The following FZD3 variants were observed in gnomAD, a reference collection of about 807,000 sequenced individuals.
FZD3 encodes the protein frizzled-3.
Under a neutral mutation model 60.7 loss-of-function variants are expected in FZD3, and 30 were observed. The observed-to-expected ratio is 0.49, with a 90% CI of 0.37 to 0.67. FZD3 has a LOEUF of 0.67. FZD3 is among the 30% of genes least tolerant of loss of function. FZD3 has a pLI of 0.00. For missense variants in FZD3, 605 were observed against 838.7 expected (o/e 0.72, Z 3.44); for synonymous variants, 246 against 275.2 (o/e 0.89, Z 1.05).
intron 4 of FZD3, among the ~76,000 whole-genome samples, chr8:28,526,132 A>G (rs1372723531): frequency 6.6e-6 from 1 of 152,084 alleles, no homozygotes; most frequent in Non-Finnish European, 1.5e-5. Flanking sequence ...ATATATTAGT[A>G]TTGGGTAACA....
intron 5 of FZD3, 135 bp from the exon 6 acceptor site, chr8:28,551,468 A>T: frequency 1.6e-6 from 1 of 643,192 alleles, no homozygotes; most frequent in African/African-American, 1.9e-5. Flanking sequence ...GTGAGCCAAG[A>T]TCACACCATT....
At position 28,573,627 on chromosome 8, in the gene FZD3, TGACA is replaced by T. The variant is rs1466912852; in HGVS notation, c.*10622_*10625del. 2.0e-5 allele frequency: 3 copies of T among 150,798 alleles called. No homozygotes were observed. The highest frequency in any genetic ancestry group is 7.3e-5 in the African/African-American group (3 of 40,942). The allele number at this position is 150,798 out of a possible 1,614,324, so 9.3% of individuals were successfully genotyped here. Reference sequence around the variant, plus strand: ...AGATCTCCTTCACCCTCATTCTACCTGACAGACAGCTAGGTCTGTCTTCCAGCTC... The same window carrying T: ...AGATCTCCTTCACCCTCATTCTACCTGACAGCTAGGTCTGTCTTCCAGCTC... On this transcript the variant is annotated 3_prime_UTR_variant, in exon 8 of 8. Coordinates refer to ENST00000240093, the MANE Select transcript of FZD3 (RefSeq NM_017412.4).
chr8:28,506,322 G>A lies in FZD3; in HGVS notation c.189+3120G>A, dbSNP rs79192797. On this transcript the variant is annotated intron_variant, in intron 3 of 7. Transcript: ENST00000240093. ...GTATTCTGTCACTAACTAGGTTTGA[G>A]ACCTCTTTGTGTTGATTTCCAATAG... is the stretch of plus-strand genomic sequence containing the variant. 4.7e-3 allele frequency among the ~76,000 whole-genome samples: 715 copies of A among 152,296 alleles called. 24 individuals carry two copies. In the East Asian group the frequency reaches 0.09, roughly 19 times the overall value.
At chr8:28,549,415 G>A (rs1036244842) in intron 5 of FZD3, among the ~76,000 whole-genome samples, 1 of 152,054 alleles carries the variant, frequency 6.6e-6, no homozygotes, top group African/African-American at 2.4e-5. Flanking sequence ...AAAGTTATTT[G>A]TGTATTTAAT....
At chr8:28,541,526 G>A in intron 5 of FZD3, among the ~76,000 whole-genome samples, 1 of 152,330 alleles carries the variant, frequency 6.6e-6, no homozygotes, top group East Asian at 1.9e-4. Flanking sequence ...AGTTTAAGGT[G>A]CTAAAGAATC....
At chr8:28,502,347 T>C (rs1361163949) in intron 2 of FZD3, among the ~76,000 whole-genome samples, 2 of 152,136 alleles carry the variant, frequency 1.3e-5, no homozygotes, top group East Asian at 3.8e-4. Flanking sequence ...TTTAGGACAA[T>C]AGCATAATAA....
chr8:28,560,381 A>G (rs908998182), intron 7 of FZD3, among the ~76,000 whole-genome samples: 11 of 152,202 alleles, frequency 7.2e-5, no homozygotes, highest in African/African-American at 2.7e-4. Flanking sequence ...CTACATATAC[A>G]GTTGAGATTA....
rs892410176 is a variant in FZD3, at chr8:28,573,907, C to A, written c.*10896C>A. On this transcript the variant is annotated 3_prime_UTR_variant, in exon 8 of 8. Coordinates refer to ENST00000240093, the MANE Select transcript of FZD3 (RefSeq NM_017412.4). The stretch of plus-strand genomic sequence containing the variant: ...TAATGTTGATTTATCATATAAACAT[C>A]TAATTAGAAAGTGTTTATGCTAAAG... The A allele has an allele frequency of 2.6e-5, 4 of 152,122 alleles. No homozygotes were observed. The highest frequency in any genetic ancestry group is 1.3e-4 in the Admixed American group (2 of 15,264). The allele number at this position is 152,122 out of a possible 1,614,324, so 9.4% of individuals were successfully genotyped here. A position where few individuals can be genotyped will look rare whatever the true frequency, so the allele number is the denominator to read the frequency against.
chr8:28,505,067 CAGAA>C (rs1208400462), intron 3 of FZD3: 4 of 154,910 alleles, frequency 2.6e-5, no homozygotes, highest in East Asian at 3.9e-4. Context: ...ATGCCACTGA[CAGAA>C]AGAATAATCA....
At chr8:28,501,465 A>AGTCT (rs753260833) in intron 2 of FZD3, among the ~76,000 whole-genome samples, 10 of 152,204 alleles carry the variant, frequency 6.6e-5, no homozygotes, top group Non-Finnish European at 1.0e-4. Context: ...TTGTCCTATT[A>AGTCT]GTCTGGGTCT....
chr8:28,502,503 A>G (rs1259341338), intron 2 of FZD3, among the ~76,000 whole-genome samples, 167 bp from the exon 3 acceptor site: 2 of 152,214 alleles, frequency 1.3e-5, no homozygotes, highest in African/African-American at 2.4e-5. Context: ...TAGTGTAGCT[A>G]TAGCATAAAT....
At chr8:28,542,824 G>T (rs1002050656) in intron 5 of FZD3, among the ~76,000 whole-genome samples, 3 of 152,222 alleles carry the variant, frequency 2.0e-5, no homozygotes, top group Admixed American at 1.3e-4. Flanking sequence ...AACAAGGGCA[G>T]AGAATTTTCT....
Position 28,573,980 on chromosome 8 carries a change from T to A in FZD3, c.*10969T>A, listed in dbSNP as rs890333998. ...TCTTCATGTTTCTTTTTTATATGTTTATTAAAATTGTTCACTTCCAAATGA... is the reference window on the plus strand; with the variant it reads ...TCTTCATGTTTCTTTTTTATATGTTAATTAAAATTGTTCACTTCCAAATGA... On this transcript the variant is annotated 3_prime_UTR_variant, in exon 8 of 8. Coordinates refer to ENST00000240093, the MANE Select transcript of FZD3 (RefSeq NM_017412.4). 3.3e-5 allele frequency: 5 copies of A among 152,168 alleles called. No homozygotes were observed. The highest frequency in any genetic ancestry group is 7.4e-5 in the Non-Finnish European group (5 of 68,016). The allele number at this position is 152,168 out of a possible 1,614,324, so 9.4% of individuals were successfully genotyped here. A position where few individuals can be genotyped will look rare whatever the true frequency, so the allele number is the denominator to read the frequency against.
intron 5 of FZD3, among the ~76,000 whole-genome samples, chr8:28,532,200 C>A (rs1165366653): frequency 6.6e-6 from 1 of 151,946 alleles, no homozygotes; most frequent in Non-Finnish European, 1.5e-5. Context: ...TTACCTTGTT[C>A]TTCTTCTTCA....
intron 1 of FZD3, among the ~76,000 whole-genome samples, chr8:28,496,817 C>T: frequency 6.6e-6 from 1 of 152,144 alleles, no homozygotes; most frequent in East Asian, 1.9e-4. Flanking sequence ...GCTATTGGGC[C>T]TGAAAACCAA....
chr8:28,527,788 CCAT>C lies in FZD3; in HGVS notation c.1033_1035del (p.Ile345del). 6.2e-7 allele frequency: 1 copy of C among 1,614,114 alleles called. No homozygotes were observed. The highest frequency in any genetic ancestry group is 8.5e-7 in the Non-Finnish European group (1 of 1,179,984). On this transcript the variant is annotated inframe_deletion, in exon 5 of 8. Coordinates refer to ENST00000240093, the MANE Select transcript of FZD3 (RefSeq NM_017412.4). This position sits in a 1 kb window ranked among gnomAD's most constrained non-coding sequence, Gnocchi z 5.0. ...GCATGGGGCATCCCCGGAACTCTAACCATCATCCTTTTAGCGATGAATAAAATT... is the reference window on the plus strand; with the variant it reads ...GCATGGGGCATCCCCGGAACTCTAACCATCCTTTTAGCGATGAATAAAATT...
chr8:28,517,140 G>A (rs570976469), intron 3 of FZD3, among the ~76,000 whole-genome samples: 1 of 152,098 alleles, frequency 6.6e-6, no homozygotes, highest in Non-Finnish European at 1.5e-5. Flanking sequence ...AGTGCAGTTT[G>A]TTGATGGCTA....
intron 2 of FZD3, among the ~76,000 whole-genome samples, chr8:28,501,878 A>C (rs1165872344): frequency 6.6e-6 from 1 of 152,186 alleles, no homozygotes; most frequent in Non-Finnish European, 1.5e-5. Flanking sequence ...TGTGTTATTA[A>C]ATTTTTGTAC....
rs1464822721 is a variant in FZD3, at chr8:28,569,117, T to C, written c.*6106T>C. 6.6e-6 allele frequency: 1 copy of C among 151,978 alleles called. No homozygotes were observed. The highest frequency in any genetic ancestry group is 2.4e-5 in the African/African-American group (1 of 41,532). 9.4% of individuals were successfully genotyped at this position (151,978 alleles called of 1,614,324 possible). A position where few individuals can be genotyped will look rare whatever the true frequency, so the allele number is the denominator to read the frequency against. On this transcript the variant is annotated 3_prime_UTR_variant, in exon 8 of 8. Transcript: ENST00000240093. The stretch of plus-strand genomic sequence containing the variant: ...TTATTATTGTAGCTTTAAGGTTTTT[T>C]GTTGTATAAGTCAGCTTGTTTGTAT...
Sources: gnomAD v4.1 joint callset for allele counts (sites outside exome capture counted in the v4.1 genomes callset) on GRCh38, gnomAD v4.1.1 for gene constraint, Gnocchi (gnomAD v3.1) non-coding constraint, MANE v1.5 for transcripts, NCBI Gene and HGNC (gene_info 2026-07-23, HGNC 2026-07-21) for gene names.